Variants in POLR2M observed in about 807,000 individuals in gnomAD.
POLR2M encodes the protein RNA polymerase II subunit M, also known as protein GRINL1A.
In POLR2M, 30 loss-of-function variants were observed where a neutral mutation model predicts 34.6. The ratio of observed to expected loss-of-function variants is 0.87; its 90% confidence interval spans 0.65 to 1.18. POLR2M has a LOEUF of 1.18. POLR2M is among the 50% of genes most tolerant of loss of function. The probability of loss-of-function intolerance (pLI) is 0.00; values close to 1 mark genes in which losing one functional copy is unlikely to be tolerated. For missense variants in POLR2M, 432 were observed against 448.7 expected, an observed-to-expected ratio of 0.96 and a Z score of 0.34; for synonymous variants, 150 against 166.7, an observed-to-expected ratio of 0.90 and a Z score of 0.77.
chr15:57,707,067 G>A (rs2140803904), intron 1 of POLR2M, 112 bp downstream of exon 1: 2 of 1,551,570 alleles, frequency 1.3e-6, no homozygotes, highest in Middle Eastern at 3.3e-4. Context: ...CTTTGACTCA[G>A]TCACATTCGC....
intron 3 of POLR2M, among the ~76,000 whole-genome samples, chr15:57,713,197 C>CAAAAA (rs10656680): frequency 6.9e-6 from 1 of 145,850 alleles, no homozygotes; most frequent in Admixed American, 6.8e-5. Flanking sequence ...GACCCTGTCT[C>CAAAAA]AAAAAAAAAA....
chr15:57,711,279 G>A (rs184729157), intron 2 of POLR2M, among the ~76,000 whole-genome samples: 1 of 151,988 alleles, frequency 6.6e-6, no homozygotes, highest in African/African-American at 2.4e-5. Context: ...CATCTCTCTC[G>A]GGCTGTAATT....
In POLR2M at chr15:57,714,909, T is replaced by C; in HGVS notation, c.*230T>C. ...CACATGGTATTAAAATTTTGCAATATATTGTGTATTGGTCTGATATTTTAG... is the reference window on the plus strand; with the variant it reads ...CACATGGTATTAAAATTTTGCAATACATTGTGTATTGGTCTGATATTTTAG... On this transcript the variant is annotated 3_prime_UTR_variant, in exon 4 of 4. Transcript: ENST00000299638. 1 of 609,488 alleles carries C rather than the reference T, an allele frequency of 1.6e-6. No individual in the cohort carries two copies. Among genetic ancestry groups the C allele is most frequent in the East Asian group, 3.3e-5 (1 of 30,312 alleles). The allele number at this position is 609,488 out of a possible 1,614,324, so 37.8% of individuals were successfully genotyped here.
rs1014794586 is a variant in POLR2M at position 57,706,782 on chromosome 15, G to A, written c.-61G>A. 6.5e-6 allele frequency: 10 copies of A among 1,526,744 alleles called. No homozygotes were observed. The highest frequency in any genetic ancestry group is 2.0e-5 in the Admixed American group (1 of 49,750). 94.6% of individuals were successfully genotyped at this position (1,526,744 alleles called of 1,614,324 possible). ...ACCGCCGTCCGCGGATCCGGCGCTA[G>A]TAGCGGGGCCTGCCGAGGAAGCCGA... On this transcript the variant is annotated 5_prime_UTR_variant, in exon 1 of 4. Coordinates refer to ENST00000299638, the MANE Select transcript of POLR2M (RefSeq NM_015532.5).
chr15:57,708,042 G>A (rs1233797234), intron 1 of POLR2M, among the ~76,000 whole-genome samples: 3 of 152,212 alleles, frequency 2.0e-5, no homozygotes, highest in Non-Finnish European at 4.4e-5. Context: ...CAAGACATGT[G>A]TTTTGACCTT....
In POLR2M at chr15:57,713,820, C is replaced by CTTTTTTTTTTTTT. The variant is rs869161314; in HGVS notation, c.964-689_964-677dup. ...AGAAATCTAGACAGCATTAGTCCTT[C>CTTTTTTTTTTTTT]TTTTTTTTTTTTTTTTTTTTTTTTT... On this transcript the variant is annotated intron_variant, in intron 3 of 3. Coordinates refer to ENST00000299638, the MANE Select transcript of POLR2M (RefSeq NM_015532.5). Among the ~76,000 whole-genome samples, 10 of 65,640 alleles carry CTTTTTTTTTTTTT rather than the reference C, an allele frequency of 1.5e-4. 1 individual carries two copies. The highest frequency in any genetic ancestry group is 1.3e-3 in the East Asian group (2 of 1,548). The allele number at this position is 65,640 out of a possible 152,430, so 43.1% of individuals were successfully genotyped here.
At position 57,714,783 on chromosome 15, in the gene POLR2M, A is replaced by G; in HGVS notation, c.*104A>G. 2.0e-6 allele frequency: 3 copies of G among 1,518,378 alleles called. No individual in the cohort carries two copies. 94.1% of individuals were successfully genotyped at this position (1,518,378 alleles called of 1,614,324 possible). ...AGATATTGTTGAGGGAAGTAATTTTATAAAGTTACACAAAGGTAGTTATAA... is the reference window on the plus strand; with the variant it reads ...AGATATTGTTGAGGGAAGTAATTTTGTAAAGTTACACAAAGGTAGTTATAA... On this transcript the variant is annotated 3_prime_UTR_variant, in exon 4 of 4. Coordinates refer to ENST00000299638, the MANE Select transcript of POLR2M (RefSeq NM_015532.5).
At chr15:57,707,005 C>T (rs1389915729) in intron 1 of POLR2M, 50 bp downstream of exon 1, 2 of 1,552,548 alleles carry the variant, frequency 1.3e-6, no homozygotes, top group South Asian at 1.2e-5. Flanking sequence ...AGCTCGAGCT[C>T]CCTGGGCGCT....
intron 1 of POLR2M, chr15:57,707,182 C>G: frequency 1.3e-6 from 2 of 1,483,064 alleles, no homozygotes; most frequent in South Asian, 1.3e-5. Context: ...GAACGGCTAC[C>G]TGGCGTTGCA....
At chr15:57,713,477 A>G (rs1283517009) in intron 3 of POLR2M, among the ~76,000 whole-genome samples, 1 of 152,008 alleles carries the variant, frequency 6.6e-6, no homozygotes, top group Non-Finnish European at 1.5e-5. Context: ...TCCCACTTTT[A>G]CTGACCCATA....
chr15:57,714,625 G>C lies in POLR2M; in HGVS notation c.1053G>C (p.Gly351=). The C allele has an allele frequency of 6.2e-7, 1 of 1,612,734 alleles. No homozygotes were observed. The highest frequency in any genetic ancestry group is 8.5e-7 in the Non-Finnish European group (1 of 1,179,822). ...ATAATCCAGAAGGGGAGTCTTCAGG[G>C]AGATACCGAGAAGTAAGGGATGAAG... The part of the protein sequence containing the change: ...RSYNPEGESS[G]RYREVRDEDD... Residue 351 remains glycine, a synonymous_variant, in exon 4 of 4, where the codon GGG becomes GGC. Transcript: ENST00000299638.
chr15:57,716,117 A>G lies in POLR2M; in HGVS notation c.*1438A>G, dbSNP rs2040932477. The G allele has an allele frequency of 1.3e-5, 2 of 152,228 alleles. No homozygotes were observed. The highest frequency in any genetic ancestry group is 1.3e-4 in the Admixed American group (2 of 15,272). The allele number at this position is 152,228 out of a possible 1,614,324, so 9.4% of individuals were successfully genotyped here. Reference sequence around the variant, plus strand: ...GGAGATAAACTCTGTTAACATTTTGATGTTGTGTTTTTGCTTATTTTTCTA... The same window carrying G: ...GGAGATAAACTCTGTTAACATTTTGGTGTTGTGTTTTTGCTTATTTTTCTA... On this transcript the variant is annotated 3_prime_UTR_variant, in exon 4 of 4. Coordinates refer to ENST00000299638, the MANE Select transcript of POLR2M (RefSeq NM_015532.5).
chr15:57,707,335 A>G, intron 1 of POLR2M: 1 of 725,798 alleles, frequency 1.4e-6, no homozygotes, highest in Non-Finnish European at 2.4e-6. Context: ...GCTTACAGGA[A>G]CCGTAGGAAA....
chr15:57,713,842 T>C (rs1304012644), intron 3 of POLR2M, among the ~76,000 whole-genome samples: 2 of 108,158 alleles, frequency 1.8e-5, no homozygotes, highest in African/African-American at 7.7e-5. Context: ...TTTTTTTTTT[T>C]TTTTTTTTTT....
chr15:57,710,083 A>G (rs565151231), intron 2 of POLR2M, among the ~76,000 whole-genome samples: 49 of 152,322 alleles, frequency 3.2e-4, no homozygotes, highest in African/African-American at 1.1e-3. Context: ...CATGTTCTTC[A>G]AGGAGTTTAA....
chr15:57,707,363 G>GA (rs2040536103), intron 1 of POLR2M: 1 of 709,548 alleles, frequency 1.4e-6, no homozygotes, highest in South Asian at 1.5e-5. Flanking sequence ...AGTGGGATAT[G>GA]AAGAGGGGTT....
rs2040946149 is a variant in POLR2M at position 57,716,444 on chromosome 15, T to C, written c.*1765T>C. 1 of 152,270 alleles carries C rather than the reference T, an allele frequency of 6.6e-6. No homozygotes were observed. Among genetic ancestry groups the C allele is most frequent in the Non-Finnish European group, 1.5e-5 (1 of 68,042 alleles). 9.4% of individuals were successfully genotyped at this position (152,270 alleles called of 1,614,324 possible). A position where few individuals can be genotyped will look rare whatever the true frequency, so the allele number is the denominator to read the frequency against. The stretch of plus-strand genomic sequence containing the variant: ...ATGAAATTGTTAGGTGAAAGTGTTT[T>C]TGAGAATTTTTATATATATTACTCA... On this transcript the variant is annotated 3_prime_UTR_variant, in exon 4 of 4. Transcript: ENST00000299638.
chr15:57,709,039 G>C lies in POLR2M; in HGVS notation c.439G>C (p.Glu147Gln). ...LEGDEETSEV[E>Q]YTVNKGPASS... ...AGGTGATGAAGAGACTTCAGAGGTT[G>C]AGTACACAGTGAATAAGGGCCCAGC... is the stretch of plus-strand genomic sequence containing the variant. Residue 147 changes from glutamate (E) to glutamine (Q), a missense_variant, in exon 2 of 4, where the codon GAG becomes CAG. Transcript: ENST00000299638. The C allele has an allele frequency of 6.2e-7, 1 of 1,614,108 alleles. No individual in the cohort carries two copies. Among genetic ancestry groups the C allele is most frequent in the African/African-American group, 1.3e-5 (1 of 75,052 alleles).
chr15:57,712,957 C>CT (rs2040793367), intron 3 of POLR2M, among the ~76,000 whole-genome samples: 1 of 152,110 alleles, frequency 6.6e-6, no homozygotes, highest in Non-Finnish European at 1.5e-5. Context: ...TAGTCAGGTA[C>CT]TAGTGCACCA....
Sources: allele counts gnomAD v4.1 joint callset (sites outside exome capture counted in the v4.1 genomes callset), GRCh38; gene constraint gnomAD v4.1.1; transcripts MANE v1.5; gene names NCBI Gene and HGNC (gene_info 2026-07-23, HGNC 2026-07-21).